Variants in MBD5 observed in about 807,000 individuals in gnomAD.
The protein encoded by MBD5 is methyl-CpG-binding domain protein 5.
A neutral mutation model predicts 117.3 loss-of-function variants in MBD5; 13 were observed. That is an observed-to-expected ratio of 0.11 (90% CI 0.07 to 0.18). The LOEUF (loss-of-function observed/expected upper bound fraction) is 0.18. Ranked by LOEUF, MBD5 falls within the 10% of genes least tolerant of loss-of-function variation. The pLI is 1.00. For missense variants in MBD5, 1,879 were observed against 2,093.8 expected, an observed-to-expected ratio of 0.90 and a Z score of 2.00; for synonymous variants, 727 against 766.4, an observed-to-expected ratio of 0.95 and a Z score of 0.85.
At chr2:148,092,772 A>C (rs1695974648) in intron 1 of MBD5, among the ~76,000 whole-genome samples, 1 of 151,558 alleles carries the variant, frequency 6.6e-6, no homozygotes, top group Admixed American at 6.6e-5. Flanking sequence ...GAACTTTTCT[A>C]TGCAACCAAA....
intron 8 of MBD5, among the ~76,000 whole-genome samples, chr2:148,480,898 G>A (rs2105052126): frequency 6.6e-6 from 1 of 152,126 alleles, no homozygotes; most frequent in South Asian, 2.1e-4. Context: ...GACCAAGACA[G>A]CCAGGAAAAA....
intron 4 of MBD5, among the ~76,000 whole-genome samples, chr2:148,435,399 C>A (rs1477887453): frequency 6.6e-6 from 1 of 152,038 alleles, no homozygotes; most frequent in Admixed American, 6.6e-5. Flanking sequence ...ACAGTCTTTC[C>A]TTACCATATT....
intron 3 of MBD5, among the ~76,000 whole-genome samples, chr2:148,335,822 T>C (rs1702772517): frequency 6.6e-6 from 1 of 152,232 alleles, no homozygotes; most frequent in South Asian, 2.1e-4. Flanking sequence ...TATATTTTAT[T>C]GTCTTACATA....
rs1283147754 is a variant in MBD5, at chr2:148,515,277, CT to C, written c.*2337del. 3 of 152,084 alleles carry C rather than the reference CT, an allele frequency of 2.0e-5. No homozygotes were observed. The highest frequency in any genetic ancestry group is 7.2e-5 in the African/African-American group (3 of 41,404). 9.4% of individuals were successfully genotyped at this position (152,084 alleles called of 1,614,324 possible). The stretch of plus-strand genomic sequence containing the variant: ...CAAGCCTTCTTTTTGGTATTTTGAG[CT>C]AATTCAGTTTGTGCTTCCCTCCCAT... On this transcript the variant is annotated 3_prime_UTR_variant, in exon 14 of 14. Transcript: ENST00000642680.
At chr2:148,399,565 G>A (rs150146601) in intron 4 of MBD5, among the ~76,000 whole-genome samples, 3,554 of 152,170 alleles carry the variant, frequency 0.023, 102 homozygotes, top group South Asian at 0.087. Context: ...TGAGACGATG[G>A]GGTTTTCTAG....
At position 148,227,541 on chromosome 2, in the gene MBD5, G is replaced by T. The variant is rs190559238; in HGVS notation, c.-830-5704G>T. On this transcript the variant is annotated intron_variant, in intron 2 of 13. Transcript: ENST00000642680. ...GGCTTGTAGTATAGTTTGAAGTCAG[G>T]TAGCATGATGCCTCCAGCTTTGTTC... Among the ~76,000 whole-genome samples, 116 of 152,294 alleles carry T rather than the reference G, an allele frequency of 7.6e-4. 2 individuals are homozygous for T. The East Asian group carries it at 0.021, about 28-fold the overall frequency.
chr2:148,345,010 C>T (rs1311878415), intron 4 of MBD5, among the ~76,000 whole-genome samples: 1 of 151,550 alleles, frequency 6.6e-6, no homozygotes, highest in Non-Finnish European at 1.5e-5. Flanking sequence ...AGATATATGT[C>T]CTAGTGTATA....
At chr2:148,103,253 A>G (rs1005252022) in intron 1 of MBD5, among the ~76,000 whole-genome samples, 3 of 152,102 alleles carry the variant, frequency 2.0e-5, no homozygotes, top group Non-Finnish European at 4.4e-5. Flanking sequence ...GCTTTCCATC[A>G]AAGTCTTTTT....
chr2:148,243,762 C>T (rs1413335854), intron 3 of MBD5: 14 of 151,852 alleles, frequency 9.2e-5, no homozygotes, highest in East Asian at 7.7e-4. Flanking sequence ...AGACCTTTTT[C>T]GGGGACCCAA....
At chr2:148,067,922 C>T (rs1695248679) in intron 1 of MBD5, among the ~76,000 whole-genome samples, 1 of 152,228 alleles carries the variant, frequency 6.6e-6, no homozygotes, top group South Asian at 2.1e-4. Flanking sequence ...AGTATGTCAA[C>T]TGTGTTAATA....
In MBD5 at chr2:148,234,908, T is replaced by C. The variant is rs144073269; in HGVS notation, c.-680+1513T>C. Among the ~76,000 whole-genome samples the C allele has an allele frequency of 8.5e-4, 129 of 152,300 alleles. 2 individuals are homozygous for C. Among genetic ancestry groups the C allele is most frequent in the Non-Finnish European group, 1.6e-3 (111 of 68,014 alleles). The stretch of plus-strand genomic sequence containing the variant: ...AACTATTTTTAAAAACTACTAAAAA[T>C]TGATCATTGTTTAATTAGTAGAAAT... On this transcript the variant is annotated intron_variant, in intron 3 of 13. Coordinates refer to ENST00000642680, the MANE Select transcript of MBD5 (RefSeq NM_001378120.1).
At chr2:148,431,342 A>G (rs1456004216) in intron 4 of MBD5, among the ~76,000 whole-genome samples, 2 of 152,168 alleles carry the variant, frequency 1.3e-5, no homozygotes, top group African/African-American at 2.4e-5. Context: ...CACAACTCAT[A>G]TTGGAAATCA....
intron 3 of MBD5, among the ~76,000 whole-genome samples, chr2:148,278,248 ATTGT>A (rs1436573196): frequency 6.6e-5 from 10 of 151,982 alleles, no homozygotes; most frequent in African/African-American, 9.7e-5. Context: ...TATGACTCTG[ATTGT>A]TTGGCACTTA....
intron 4 of MBD5, among the ~76,000 whole-genome samples, chr2:148,421,098 T>G (rs1479258038): frequency 6.6e-6 from 1 of 152,192 alleles, no homozygotes; most frequent in Non-Finnish European, 1.5e-5. Flanking sequence ...TATCCTCAAA[T>G]TGCCGTTTAA....
intron 3 of MBD5, among the ~76,000 whole-genome samples, chr2:148,321,205 G>C (rs184726153): frequency 6.6e-6 from 1 of 152,110 alleles, no homozygotes; most frequent in East Asian, 1.9e-4. Flanking sequence ...AATTATTATA[G>C]ACCAAGGGTG....
intron 4 of MBD5, among the ~76,000 whole-genome samples, chr2:148,384,665 G>A (rs1238151255): frequency 2.0e-5 from 3 of 151,894 alleles, no homozygotes; most frequent in Non-Finnish European, 4.4e-5. Flanking sequence ...TCAATCCTAA[G>A]CCAAAAGAAC....
intron 4 of MBD5, among the ~76,000 whole-genome samples, chr2:148,413,510 C>CTT (rs56767489): frequency 0.14 from 19,482 of 139,676 alleles, 1,535 homozygotes; most frequent in Non-Finnish European, 0.19. Context: ...CCTCCCCCAC[C>CTT]TTTTTTTTTT....
chr2:148,367,934 C>G (rs1703749576), intron 4 of MBD5, among the ~76,000 whole-genome samples: 1 of 152,102 alleles, frequency 6.6e-6, no homozygotes, highest in African/African-American at 2.4e-5. Context: ...CCTCAAGGAT[C>G]TAAACCAGAA....
chr2:148,413,271 A>G (rs1705319480), intron 4 of MBD5, among the ~76,000 whole-genome samples: 1 of 152,176 alleles, frequency 6.6e-6, no homozygotes. Context: ...ACATTTATAA[A>G]TCTGCATATG....
Sources: allele counts gnomAD v4.1 joint callset (sites outside exome capture counted in the v4.1 genomes callset), GRCh38; gene constraint gnomAD v4.1.1; transcripts MANE v1.5; gene names NCBI Gene and HGNC (gene_info 2026-07-23, HGNC 2026-07-21).